Variants in ZSCAN25 observed in about 807,000 individuals in gnomAD.
ZSCAN25 encodes zinc finger and SCAN domain-containing protein 25.
In ZSCAN25, 27 loss-of-function variants were observed where a neutral mutation model predicts 38.7. That is an observed-to-expected ratio of 0.70 (90% confidence interval 0.51 to 0.96). The LOEUF is 0.96. ZSCAN25 is among the 40% of genes least tolerant of loss of function. The pLI is 0.00. For synonymous variants in ZSCAN25, 273 were observed against 277.7 expected, an observed-to-expected ratio of 0.98 and a Z score of 0.17; for missense variants, 637 against 705.9, an observed-to-expected ratio of 0.90 and a Z score of 1.11.
In ZSCAN25 at chr7:99,632,159, G is replaced by C; in HGVS notation, c.*2139G>C. ...TGGGCCTTGCTGACTTTCCTATCTGGCCTCTTCCCTATCTCCTGTGGGGCC... is the reference window on the plus strand; with the variant it reads ...TGGGCCTTGCTGACTTTCCTATCTGCCCTCTTCCCTATCTCCTGTGGGGCC... On this transcript the variant is annotated 3_prime_UTR_variant, in exon 8 of 8. Transcript: ENST00000394152. The C allele has an allele frequency of 1.0e-6, 1 of 985,392 alleles. No individual in the cohort carries two copies. The highest frequency in any genetic ancestry group is 1.2e-6 in the Non-Finnish European group (1 of 829,920). The allele number at this position is 985,392 out of a possible 1,614,324, so 61.0% of individuals were successfully genotyped here. A position where few individuals can be genotyped will look rare whatever the true frequency, so the allele number is the denominator to read the frequency against.
In ZSCAN25 at chr7:99,630,301, G is replaced by T. The variant is rs1807894579; in HGVS notation, c.*281G>T. The T allele has an allele frequency of 1.5e-5, 18 of 1,223,298 alleles. No individual in the cohort carries two copies. The South Asian group carries it at 4.3e-4, about 29-fold the overall frequency. 75.8% of individuals were successfully genotyped at this position (1,223,298 alleles called of 1,614,324 possible). ...TTTTCTCCTTCAGTGGACTGTCTGT[G>T]TCCCCCTGCCGAACAAAGCTGGGAG... On this transcript the variant is annotated 3_prime_UTR_variant, in exon 8 of 8. Coordinates refer to ENST00000394152, the MANE Select transcript of ZSCAN25 (RefSeq NM_145115.3).
At chr7:99,665,351 C>A in the ZSCAN25 span, 5 of 1,612,418 alleles carry the variant, frequency 3.1e-6, no homozygotes, top group Non-Finnish European at 3.4e-6. Context: ...AAAATCAGCA[C>A]CTCTTACCGT....
the ZSCAN25 span, among the ~76,000 whole-genome samples, chr7:99,700,498 A>T: frequency 8.6e-5 from 13 of 151,946 alleles, no homozygotes; most frequent in Non-Finnish European, 1.6e-4. Flanking sequence ...TGACTCCTAC[A>T]CATCCTTGCA....
chr7:99,677,967 CTT>C, the ZSCAN25 span, among the ~76,000 whole-genome samples: 1 of 152,234 alleles, frequency 6.6e-6, no homozygotes, highest in African/African-American at 2.4e-5. Context: ...TGGGCGAACT[CTT>C]TAGTTTCTTT....
chr7:99,720,209 C>T, the ZSCAN25 span: 4 of 1,446,024 alleles, frequency 2.8e-6, no homozygotes, highest in Non-Finnish European at 3.8e-6. Context: ...TACATGGAAC[C>T]TTCCTGCACA....
rs757817801 is a variant in ZSCAN25, at chr7:99,629,557, T to A, written c.1172T>A (p.Met391Lys). The change falls in exon 8 of 8, where the codon ATG becomes AAG. Residue 391 changes from methionine to lysine, a missense_variant. Coordinates refer to ENST00000394152, the MANE Select transcript of ZSCAN25 (RefSeq NM_145115.3). The surrounding 1 kb of genome is among the most constrained non-coding windows in gnomAD (Gnocchi z 5.6). ...GKGFTLREYLMKHQRTHLGKR... is the reference protein window; with the variant it reads ...GKGFTLREYLKKHQRTHLGKR... ...GGCTTTACCCTGAGAGAATACCTGA[T>A]GAAGCACCAGAGAACCCACCTGGGA... 6.2e-7 allele frequency: 1 copy of A among 1,614,154 alleles called. No individual in the cohort carries two copies. The highest frequency in any genetic ancestry group is 8.5e-7 in the Non-Finnish European group (1 of 1,180,014).
chr7:99,709,018 TC>T, the ZSCAN25 span: 3 of 1,613,842 alleles, frequency 1.9e-6, no homozygotes, highest in Non-Finnish European at 2.5e-6. Flanking sequence ...AGGGCTCCCT[TC>T]CCAGGGGCCT....
chr7:99,694,446 C>T, the ZSCAN25 span, among the ~76,000 whole-genome samples: 2 of 152,156 alleles, frequency 1.3e-5, no homozygotes, highest in African/African-American at 4.8e-5. Flanking sequence ...GAGAAAATGT[C>T]CCCTCTACAC....
chr7:99,637,975 C>T, the ZSCAN25 span, among the ~76,000 whole-genome samples: 2 of 151,992 alleles, frequency 1.3e-5, no homozygotes, highest in South Asian at 4.1e-4. Context: ...GCTGTATATC[C>T]CCCATCCCAT....
chr7:99,712,669 C>A, the ZSCAN25 span, among the ~76,000 whole-genome samples: 2 of 152,286 alleles, frequency 1.3e-5, no homozygotes, highest in South Asian at 2.1e-4. Context: ...GATAGACAGA[C>A]AGACAGAAGT....
At chr7:99,719,152 T>C in the ZSCAN25 span, among the ~76,000 whole-genome samples, 1 of 152,202 alleles carries the variant, frequency 6.6e-6, no homozygotes, top group African/African-American at 2.4e-5. Context: ...AGAGACTCAT[T>C]CTGAATTTTT....
chr7:99,676,283 A>G, the ZSCAN25 span: 1 of 1,604,384 alleles, frequency 6.2e-7, no homozygotes, highest in African/African-American at 1.3e-5. Flanking sequence ...TTACTCAGGA[A>G]CTGGAATGGT....
chr7:99,648,088 T>A, the ZSCAN25 span: 2 of 1,152,802 alleles, frequency 1.7e-6, no homozygotes, highest in Non-Finnish European at 2.1e-6. Context: ...AGTCTACCTA[T>A]CTGTCACTTA....
chr7:99,717,382 G>A, the ZSCAN25 span: 1 of 1,596,738 alleles, frequency 6.3e-7, no homozygotes. Flanking sequence ...TTTATGATGT[G>A]TTTTCTGTAC....
chr7:99,652,065 A>C, the ZSCAN25 span, among the ~76,000 whole-genome samples: 1 of 152,138 alleles, frequency 6.6e-6, no homozygotes, highest in East Asian at 1.9e-4. Context: ...AAATTCAGAG[A>C]GCTAAAGGGC....
chr7:99,694,458 T>C, the ZSCAN25 span, among the ~76,000 whole-genome samples: 5 of 152,310 alleles, frequency 3.3e-5, no homozygotes, highest in Admixed American at 3.3e-4. Context: ...CCTCTACACA[T>C]TGGACACAGC....
chr7:99,629,898 C>T lies in ZSCAN25; in HGVS notation c.1513C>T (p.Gln505Ter). ...CAAAGGGGAGCGGCTGGTCCGACAC[C>T]AGAGAATCCATACAGGGGAGAAGCC... is the stretch of plus-strand genomic sequence containing the variant. ...FSKGERLVRHQRIHTGEKPYH... is the reference protein window; with the variant it reads ...FSKGERLVRH The change falls in exon 8 of 8, where the codon CAG (glutamine) becomes TAG (stop). Residue 505 changes from glutamine (Q) to a stop codon, truncating the protein, a stop_gained. Coordinates refer to ENST00000394152, the MANE Select transcript of ZSCAN25 (RefSeq NM_145115.3). LOFTEE classifies it high-confidence loss of function. The surrounding 1 kb of genome is among the most constrained non-coding windows in gnomAD (Gnocchi z 5.6). The T allele has an allele frequency of 6.2e-7, 1 of 1,614,212 alleles. No homozygotes were observed. The highest frequency in any genetic ancestry group is 8.5e-7 in the Non-Finnish European group (1 of 1,180,034).
the ZSCAN25 span, among the ~76,000 whole-genome samples, chr7:99,697,292 A>G: frequency 6.6e-5 from 10 of 151,920 alleles, no homozygotes; most frequent in Admixed American, 3.9e-4. Flanking sequence ...CCCCCAACTG[A>G]GGGTTCTGGA....
At chr7:99,668,055 A>T in the ZSCAN25 span, among the ~76,000 whole-genome samples, 2 of 152,236 alleles carry the variant, frequency 1.3e-5, no homozygotes, top group African/African-American at 4.8e-5. Flanking sequence ...TATACAAAAA[A>T]ATTTCTAGAA....
Sources: allele counts gnomAD v4.1 joint callset (sites outside exome capture counted in the v4.1 genomes callset), GRCh38; gene constraint gnomAD v4.1.1; non-coding constraint Gnocchi (gnomAD v3.1); transcripts MANE v1.5; gene names NCBI Gene and HGNC (gene_info 2026-07-23, HGNC 2026-07-21).